The following DPY19L1 variants were observed in gnomAD, a reference collection of about 807,000 sequenced individuals.
DPY19L1 encodes the protein protein C-mannosyl-transferase DPY19L1.
DPY19L1 carries 35 observed loss-of-function variants against 96.9 expected under a neutral mutation model. The observed-to-expected ratio is 0.36, with a 90% CI of 0.28 to 0.48. The LOEUF is 0.48. Ranked by LOEUF, DPY19L1 falls within the 20% of genes least tolerant of loss-of-function variation. The probability of loss-of-function intolerance (pLI) is 0.99; values close to 1 mark genes in which losing one functional copy is unlikely to be tolerated. For synonymous variants in DPY19L1, 205 were observed against 252.6 expected (o/e 0.81, Z 1.79); for missense variants, 521 against 777.9 (o/e 0.67, Z 3.93).
chr7:35,023,282 T>C (rs1204746927), intron 1 of DPY19L1, among the ~76,000 whole-genome samples: 1 of 152,180 alleles, frequency 6.6e-6, no homozygotes, highest in Non-Finnish European at 1.5e-5. Flanking sequence ...GAAGTACGAA[T>C]GCTGGGATCT....
In DPY19L1 at chr7:34,929,246, C is replaced by T. The variant is rs1383098636; in HGVS notation, c.*2327G>A. On this transcript the variant is annotated 3_prime_UTR_variant, in exon 22 of 22. Transcript: ENST00000638088. Reference sequence around the variant, plus strand: ...TTTGTACGCCTATGGAACCTGCTACCAATCTGCATTGCCATCAAAGGTGTG... The same window carrying T: ...TTTGTACGCCTATGGAACCTGCTACTAATCTGCATTGCCATCAAAGGTGTG... 6.6e-6 allele frequency: 1 copy of T among 152,194 alleles called. No individual in the cohort carries two copies. Among genetic ancestry groups the T allele is most frequent in the Admixed American group, 6.5e-5 (1 of 15,280 alleles). 9.4% of individuals were successfully genotyped at this position (152,194 alleles called of 1,614,324 possible). A position where few individuals can be genotyped will look rare whatever the true frequency, so the allele number is the denominator to read the frequency against.
intron 6 of DPY19L1, among the ~76,000 whole-genome samples, chr7:35,005,633 T>C (rs1294495064): frequency 3.0e-5 from 3 of 101,082 alleles, no homozygotes; most frequent in Admixed American, 1.3e-4. Flanking sequence ...ACCCTGTCTC[T>C]ACTAAAAAAA....
At chr7:34,996,111 G>C (rs1322505079) in intron 6 of DPY19L1, among the ~76,000 whole-genome samples, 1 of 152,208 alleles carries the variant, frequency 6.6e-6, no homozygotes, top group Non-Finnish European at 1.5e-5. Context: ...TTACTTATTA[G>C]ATTGTGAACT....
intron 6 of DPY19L1, among the ~76,000 whole-genome samples, chr7:35,002,112 C>G (rs570075481): frequency 8.2e-5 from 11 of 134,958 alleles, no homozygotes; most frequent in Non-Finnish European, 3.1e-5. Flanking sequence ...GGTAACAGAG[C>G]GAGACTCCAG....
intron 7 of DPY19L1, among the ~76,000 whole-genome samples, chr7:34,989,644 C>A (rs929171954): frequency 4.4e-4 from 65 of 146,594 alleles, no homozygotes; most frequent in South Asian, 1.3e-3. Flanking sequence ...ACAACAACAA[C>A]AAAAAAAAAA....
chr7:34,937,823 C>T (rs1562798310), intron 21 of DPY19L1, among the ~76,000 whole-genome samples, 171 bp downstream of exon 21: 1 of 151,966 alleles, frequency 6.6e-6, no homozygotes, highest in Non-Finnish European at 1.5e-5. Flanking sequence ...CATGCCAGTG[C>T]ACTCCAGCCT....
intron 7 of DPY19L1, among the ~76,000 whole-genome samples, chr7:34,975,848 C>T (rs1205480843): frequency 6.6e-6 from 1 of 152,196 alleles, no homozygotes. Flanking sequence ...GATGACTGCA[C>T]ATCTGTTTTA....
intron 10 of DPY19L1, among the ~76,000 whole-genome samples, chr7:34,963,440 T>C (rs896589614): frequency 2.0e-5 from 3 of 152,158 alleles, no homozygotes; most frequent in African/African-American, 7.2e-5. Context: ...AAAAAATAGA[T>C]TTACCATATG....
rs1783728999 is a variant in DPY19L1 at position 34,930,429 on chromosome 7, G to A, written c.*1144C>T. On this transcript the variant is annotated 3_prime_UTR_variant, in exon 22 of 22. Transcript: ENST00000638088. ...ACTTATTCCTTATACTGAAATGATG[G>A]TTTTTAGAACCAAAATTATAACATA... 6.6e-6 allele frequency: 1 copy of A among 152,064 alleles called. No individual in the cohort carries two copies. The highest frequency in any genetic ancestry group is 6.5e-5 in the Admixed American group (1 of 15,268). 9.4% of individuals were successfully genotyped at this position (152,064 alleles called of 1,614,324 possible).
chr7:34,989,267 T>G (rs1298921879), intron 7 of DPY19L1, among the ~76,000 whole-genome samples: 2 of 152,228 alleles, frequency 1.3e-5, no homozygotes, highest in Non-Finnish European at 2.9e-5. Context: ...AATTACCACC[T>G]ACTTCCATTA....
chr7:35,014,063 T>G (rs1785779827), intron 3 of DPY19L1, among the ~76,000 whole-genome samples: 1 of 152,128 alleles, frequency 6.6e-6, no homozygotes. Context: ...GAACTAAAAT[T>G]TATCATGAAC....
chr7:35,016,062 C>T (rs541127593), intron 3 of DPY19L1, among the ~76,000 whole-genome samples: 2 of 141,146 alleles, frequency 1.4e-5, no homozygotes, highest in South Asian at 4.4e-4. Flanking sequence ...GATTTCTTTT[C>T]TCTTTAAAAA....
chr7:35,008,300 T>C (rs557882987), intron 6 of DPY19L1, among the ~76,000 whole-genome samples: 2 of 152,142 alleles, frequency 1.3e-5, no homozygotes, highest in Non-Finnish European at 2.9e-5. Context: ...GTATGAATAG[T>C]GTGTGTTGAC....
At chr7:35,024,466 T>G (rs1269108062) in intron 1 of DPY19L1, among the ~76,000 whole-genome samples, 1 of 152,194 alleles carries the variant, frequency 6.6e-6, no homozygotes, top group African/African-American at 2.4e-5. Flanking sequence ...TTGGTTTCCC[T>G]GCCCCACAAG....
At chr7:35,018,717 TCAAAA>T in intron 1 of DPY19L1, 121 bp from the exon 2 acceptor site, 1 of 826,022 alleles carries the variant, frequency 1.2e-6, no homozygotes, top group Non-Finnish European at 1.9e-6. Flanking sequence ...TACTGGGTCT[TCAAAA>T]AAGTCCCAGG....
intron 14 of DPY19L1, 74 bp from the exon 15 acceptor site, chr7:34,947,775 A>T: frequency 8.2e-7 from 1 of 1,221,754 alleles, no homozygotes; most frequent in South Asian, 1.3e-5. Flanking sequence ...ATAATGAAAT[A>T]GGTAAATTTC....
Position 34,941,870 on chromosome 7 carries a change from T to A in DPY19L1, c.1584A>T (p.Ala528=). Residue 528 remains alanine, a synonymous_variant, in exon 18 of 22, where the codon GCA becomes GCT. Transcript: ENST00000638088. ...GGGCTGTATATGCTAACAATTGCAA[T>A]GCATGGTAAACCAGCTGAAAGAAAG... ...QFDHGELVYH[A]LQLLAYTALG... The A allele has an allele frequency of 1.3e-6, 2 of 1,567,978 alleles. No homozygotes were observed. Among genetic ancestry groups the A allele is most frequent in the Non-Finnish European group, 1.7e-6 (2 of 1,162,216 alleles).
intron 10 of DPY19L1, among the ~76,000 whole-genome samples, chr7:34,962,714 CACA>C (rs1784525441): frequency 6.6e-6 from 1 of 151,518 alleles, no homozygotes; most frequent in South Asian, 2.1e-4. Context: ...CAAAACAAAA[CACA>C]ACAACCACCC....
chr7:35,017,501 C>CAAAAA (rs1161959357), intron 3 of DPY19L1, among the ~76,000 whole-genome samples: 1 of 13,680 alleles, frequency 7.3e-5, no homozygotes, highest in Admixed American at 1.4e-3. Context: ...GACTCCGTCT[C>CAAAAA]AAAAAAAAAA....
Sources: gnomAD v4.1 joint callset for allele counts (sites outside exome capture counted in the v4.1 genomes callset) on GRCh38, gnomAD v4.1.1 for gene constraint, MANE v1.5 for transcripts, NCBI Gene and HGNC (gene_info 2026-07-23, HGNC 2026-07-21) for gene names.